Variants in DACH2 observed in about 807,000 individuals in gnomAD.
The protein encoded by DACH2 is dachshund family transcription factor 2, also known as dachshund homolog 2.
In DACH2, 17 loss-of-function variants were observed where a neutral mutation model predicts 35.8. The observed-to-expected ratio is 0.48, with a 90% CI of 0.33 to 0.71. The LOEUF (loss-of-function observed/expected upper bound fraction) is 0.71. Ranked by LOEUF, DACH2 falls within the 30% of genes least tolerant of loss-of-function variation. The pLI is 0.02. For missense variants in DACH2, 469 were observed against 472.7 expected (o/e 0.99, Z 0.07); for synonymous variants, 195 against 177.3 (o/e 1.10, Z -0.79).
chrX:86,214,671 G>A (rs1021326051), intron 1 of DACH2, among the ~76,000 whole-genome samples: 2 of 111,387 alleles, frequency 1.8e-5, no homozygotes, highest in African/African-American at 3.3e-5. Flanking sequence ...ACAATTTTTC[G>A]GCATTAGTTC....
chrX:86,804,068 C>T (rs1327837844), intron 7 of DACH2, among the ~76,000 whole-genome samples: 1 of 111,883 alleles, frequency 8.9e-6, no homozygotes, highest in Non-Finnish European at 1.9e-5. Context: ...ATCTGGAATG[C>T]TTCAGACCAG....
intron 2 of DACH2, among the ~76,000 whole-genome samples, chrX:86,434,042 G>A (rs1226706775): frequency 9.0e-6 from 1 of 111,633 alleles, no homozygotes. Context: ...TAGGCAGTTT[G>A]CTATTCCTTA....
At chrX:86,474,098 C>T (rs936418284) in intron 2 of DACH2, among the ~76,000 whole-genome samples, 6 of 111,710 alleles carry the variant, frequency 5.4e-5, no homozygotes, top group Admixed American at 9.5e-5. Flanking sequence ...TTTTGATTTG[C>T]ATTTCTCCGA....
intron 1 of DACH2, among the ~76,000 whole-genome samples, chrX:86,355,981 G>T (rs2035635382): frequency 9.1e-6 from 1 of 110,067 alleles, no homozygotes; most frequent in African/African-American, 3.3e-5. Flanking sequence ...CCATTCTGTA[G>T]GTTGTTTACT....
chrX:86,419,531 T>C (rs979139225), intron 2 of DACH2, among the ~76,000 whole-genome samples: 2 of 111,337 alleles, frequency 1.8e-5, no homozygotes, highest in African/African-American at 6.5e-5. Context: ...AACAGTGCAG[T>C]AAAGACCCAC....
rs549548623 is a variant in DACH2, at chrX:86,307,104, A to T, written c.489-69720A>T. On this transcript the variant is annotated intron_variant, in intron 1 of 11. Coordinates refer to ENST00000373125, the MANE Select transcript of DACH2 (RefSeq NM_053281.3). ...CTCTACACATAATATCATTGGCCAT[A>T]TATGGAGAACCAAGGAACATAATGA... is the stretch of plus-strand genomic sequence containing the variant. 4.4e-4 allele frequency among the ~76,000 whole-genome samples: 49 copies of T among 111,967 alleles called. No homozygotes were observed. The South Asian group carries it at 0.018, about 41-fold the overall frequency.
chrX:86,250,774 C>A (rs2033383455), intron 1 of DACH2, among the ~76,000 whole-genome samples: 1 of 110,822 alleles, frequency 9.0e-6, no homozygotes, highest in South Asian at 3.8e-4. Flanking sequence ...TATAATAATT[C>A]AATGAATCCA....
chrX:86,294,444 C>T (rs1191384340), intron 1 of DACH2, among the ~76,000 whole-genome samples: 4 of 110,846 alleles, frequency 3.6e-5, no homozygotes, highest in Non-Finnish European at 7.6e-5. Flanking sequence ...ATTATCCATC[C>T]AGCTTTGTTC....
At chrX:86,440,304 T>C (rs1393723247) in intron 2 of DACH2, among the ~76,000 whole-genome samples, 2 of 111,178 alleles carry the variant, frequency 1.8e-5, no homozygotes, top group Non-Finnish European at 3.8e-5. Context: ...CTCTGTGGCA[T>C]ATACTTTAAG....
chrX:86,551,153 T>G, intron 3 of DACH2, among the ~76,000 whole-genome samples: 1 of 111,884 alleles, frequency 8.9e-6, no homozygotes, highest in South Asian at 3.7e-4. Context: ...TTAGATTAAC[T>G]TCATAGGAAT....
chrX:86,830,299 C>T (rs1007375856), intron 11 of DACH2: 1 of 111,998 alleles, frequency 8.9e-6, no homozygotes, highest in Non-Finnish European at 1.9e-5. Context: ...AAAACAGTAA[C>T]CAAATATGTG....
At chrX:86,367,909 T>C (rs1436635855) in intron 1 of DACH2, among the ~76,000 whole-genome samples, 1 of 111,513 alleles carries the variant, frequency 9.0e-6, no homozygotes, top group Non-Finnish European at 1.9e-5. Context: ...GTTGCACACG[T>C]CCTTTCCTTT....
chrX:86,578,453 C>G (rs900362975), intron 3 of DACH2, among the ~76,000 whole-genome samples: 1 of 111,309 alleles, frequency 9.0e-6, no homozygotes, highest in African/African-American at 3.3e-5. Context: ...ATTATTTACT[C>G]AGATTTCCTT....
chrX:86,289,629 T>A (rs1451022617), intron 1 of DACH2, among the ~76,000 whole-genome samples: 4 of 90,446 alleles, frequency 4.4e-5, no homozygotes, highest in Non-Finnish European at 8.4e-5. Context: ...TGTCCATGTG[T>A]TCTCATTGTT....
At chrX:86,770,012 A>G (rs1184064102) in intron 7 of DACH2, among the ~76,000 whole-genome samples, 2 of 110,263 alleles carry the variant, frequency 1.8e-5, no homozygotes, top group African/African-American at 6.6e-5. Context: ...AAAAATAAAT[A>G]AAAAATAAAA....
At chrX:86,534,987 C>T (rs901842130) in intron 3 of DACH2, among the ~76,000 whole-genome samples, 3 of 111,758 alleles carry the variant, frequency 2.7e-5, no homozygotes, top group African/African-American at 6.5e-5. Flanking sequence ...TAGTTATCTG[C>T]TCACAATGAA....
chrX:86,738,664 A>C, intron 6 of DACH2, among the ~76,000 whole-genome samples: 1 of 111,959 alleles, frequency 8.9e-6, no homozygotes, highest in Non-Finnish European at 1.9e-5. Context: ...TGATGCATAA[A>C]CATAGTGAAT....
Position 86,729,920 on chromosome X carries a change from A to AT in DACH2, c.1105-9818dup, listed in dbSNP as rs200829323. On this transcript the variant is annotated intron_variant, in intron 6 of 11. Coordinates refer to ENST00000373125, the MANE Select transcript of DACH2 (RefSeq NM_053281.3). Reference sequence around the variant, plus strand: ...CAGAACCATGAGCCAATTACATCTCATTTTTTTTTATAAATTACCCAGTAT... The same window carrying AT: ...CAGAACCATGAGCCAATTACATCTCATTTTTTTTTTATAAATTACCCAGTAT... Among the ~76,000 whole-genome samples, 850 of 109,782 alleles carry AT rather than the reference A, an allele frequency of 7.7e-3. 13 individuals are homozygous for AT. Among genetic ancestry groups the AT allele is most frequent in the East Asian group, 0.064 (221 of 3,477 alleles).
chrX:86,832,394 A>C lies in DACH2; in HGVS notation c.*239A>C. On this transcript the variant is annotated 3_prime_UTR_variant, in exon 12 of 12. Coordinates refer to ENST00000373125, the MANE Select transcript of DACH2 (RefSeq NM_053281.3). ...AATATGAACTAAAACCTAATGGCTA[A>C]AGTAACTTGACCATATTTGATGCTT... 2.9e-6 allele frequency: 1 copy of C among 340,622 alleles called. No homozygotes were observed. The allele number at this position is 340,622 out of a possible 1,213,427, so 28.1% of individuals were successfully genotyped here. A position where few individuals can be genotyped will look rare whatever the true frequency, so the allele number is the denominator to read the frequency against.
Sources: gnomAD v4.1 joint callset for allele counts (sites outside exome capture counted in the v4.1 genomes callset) on GRCh38, gnomAD v4.1.1 for gene constraint, MANE v1.5 for transcripts, NCBI Gene and HGNC (gene_info 2026-07-23, HGNC 2026-07-21) for gene names.